The following CARD10 variants were observed in gnomAD, a reference collection of about 807,000 sequenced individuals.
CARD10 encodes the protein caspase recruitment domain-containing protein 10.
CARD10 carries 49 observed loss-of-function variants against 114.6 expected under a neutral mutation model. That is an observed-to-expected ratio of 0.43 (90% CI 0.34 to 0.54). CARD10 has a LOEUF of 0.54. Among genes scored for constraint, CARD10 ranks in the 20% least tolerant of loss-of-function variants. The pLI is 0.03. For synonymous variants in CARD10, 602 were observed against 593.2 expected, an observed-to-expected ratio of 1.01 and a Z score of -0.21; for missense variants, 1,206 against 1,397.2, an observed-to-expected ratio of 0.86 and a Z score of 2.18.
intron 3 of CARD10, among the ~76,000 whole-genome samples, chr22:37,514,103 C>CAA (rs5845349): frequency 0.15 from 19,866 of 132,860 alleles, 1,662 homozygotes; most frequent in Middle Eastern, 0.29. Context: ...GACTCCATCT[C>CAA]AAAAAAAAAA....
At position 37,492,307 on chromosome 22, in the gene CARD10, G is replaced by C; in HGVS notation, c.2751+128C>G. On this transcript the variant is annotated intron_variant, in intron 18 of 19. Transcript: ENST00000251973. This position sits in a 1 kb window ranked among gnomAD's most constrained non-coding sequence, Gnocchi z 5.7. The stretch of plus-strand genomic sequence containing the variant: ...AAGGCCACAGGAGGGAAAGGACTTG[G>C]CCAGGGCCGCCCTGCCAGTGAGCAG... The C allele has an allele frequency of 1.4e-6, 1 of 711,948 alleles. No individual in the cohort carries two copies. Among genetic ancestry groups the C allele is most frequent in the Non-Finnish European group, 2.3e-6 (1 of 443,242 alleles). 44.1% of individuals were successfully genotyped at this position (711,948 alleles called of 1,614,324 possible). A position where few individuals can be genotyped will look rare whatever the true frequency, so the allele number is the denominator to read the frequency against.
At position 37,495,879 on chromosome 22, in the gene CARD10, G is replaced by C; in HGVS notation, c.2184C>G (p.Ala728=). ...AGTCCACCAGTCGAAGGATCTCTTGGGCTTTCACGCAAAGGGCATGGGGAT... is the reference window on the plus strand; with the variant it reads ...AGTCCACCAGTCGAAGGATCTCTTGCGCTTTCACGCAAAGGGCATGGGGAT... ...RADPHALCVK[A]QEILRLVDSA... Residue 728 remains alanine (A), a synonymous_variant, in exon 14 of 20, where the codon GCC becomes GCG. Coordinates refer to ENST00000251973, the MANE Select transcript of CARD10 (RefSeq NM_014550.4). 3 of 1,614,162 alleles carry C rather than the reference G, an allele frequency of 1.9e-6. No homozygotes were observed. The highest frequency in any genetic ancestry group is 2.5e-6 in the Non-Finnish European group (3 of 1,180,056).
In CARD10 at chr22:37,490,790, G is replaced by A. The variant is rs1922740305; in HGVS notation, c.*369C>T. 3 of 218,494 alleles carry A rather than the reference G, an allele frequency of 1.4e-5. No individual in the cohort carries two copies. Among genetic ancestry groups the A allele is most frequent in the Admixed American group, 1.2e-4 (2 of 17,076 alleles). 13.5% of individuals were successfully genotyped at this position (218,494 alleles called of 1,614,324 possible). A position where few individuals can be genotyped will look rare whatever the true frequency, so the allele number is the denominator to read the frequency against. ...CAGGAGACCTCGTGCCCAGGGCAGC[G>A]GGACAGACCTGAGCCTGCCCATGAG... On this transcript the variant is annotated 3_prime_UTR_variant, in exon 20 of 20. Transcript: ENST00000251973.
In CARD10 at chr22:37,495,563, T is replaced by C. The variant is rs1922971127; in HGVS notation, c.2327A>G (p.Gln776Arg). 6.2e-7 allele frequency: 1 copy of C among 1,613,532 alleles called. No homozygotes were observed. Among genetic ancestry groups the C allele is most frequent in the Non-Finnish European group, 8.5e-7 (1 of 1,179,882 alleles). ...YQRAQQLLEV[Q>R]EKCLPSSRHR... ...CCGGCTGGAGGGCAGGCATTTCTCC[T>C]GAACTTCTAGGAGCTGCTGGGCTCT... is the stretch of plus-strand genomic sequence containing the variant. Residue 776 changes from glutamine to arginine, a missense_variant, in exon 15 of 20, where the codon CAG becomes CGG. Around this residue, in one of 2 missense-constraint regions of CARD10, gnomAD observed 1,068 missense variants for 1,179.1 expected, o/e 0.91. Transcript: ENST00000251973.
intron 3 of CARD10, among the ~76,000 whole-genome samples, chr22:37,513,392 G>A (rs935163001): frequency 6.6e-6 from 1 of 152,126 alleles, no homozygotes; most frequent in Non-Finnish European, 1.5e-5. Flanking sequence ...TTACAGGCAT[G>A]AGCCACTGCG....
rs147081604 is a variant in CARD10 at position 37,491,830 on chromosome 22, C to T, written c.2789G>A (p.Arg930Gln). 2.3e-5 allele frequency: 37 copies of T among 1,593,442 alleles called. No individual in the cohort carries two copies. The highest frequency in any genetic ancestry group is 2.9e-5 in the Non-Finnish European group (34 of 1,172,538). Reference protein sequence around the residue: ...CLLELGARGVRELVQNEIYPI... With the variant: ...CLLELGARGVQELVQNEIYPI... The stretch of plus-strand genomic sequence containing the variant: ...GTAGATCTCGTTCTGCACCAGCTCC[C>T]GCACACCCCGAGCACCCAGCTCCAG... The change falls in exon 19 of 20, where the codon CGG (arginine) becomes CAG (glutamine). Residue 930 changes from arginine to glutamine, a missense_variant. Arg to Gln is a conservative substitution (Grantham distance 43). Transcript: ENST00000251973.
intron 3 of CARD10, among the ~76,000 whole-genome samples, chr22:37,515,468 C>G (rs1164423674): frequency 6.7e-6 from 1 of 148,580 alleles, no homozygotes; most frequent in Non-Finnish European, 1.5e-5. Flanking sequence ...GAAGCTGAGG[C>G]AGGAGAATCG....
chr22:37,498,905 TGG>T (rs57436795), intron 11 of CARD10, among the ~76,000 whole-genome samples: 5,860 of 75,666 alleles, frequency 0.077, 220 homozygotes, highest in East Asian at 0.19. Flanking sequence ...TGCTGGGGGG[TGG>T]GGGGGGGGGG....
intron 11 of CARD10, among the ~76,000 whole-genome samples, chr22:37,499,910 G>GT (rs1369701416): frequency 2.6e-5 from 4 of 152,092 alleles, no homozygotes; most frequent in Non-Finnish European, 5.9e-5. Context: ...TGCCTGTGTG[G>GT]TACTAGGAAG....
chr22:37,510,501 T>C (rs1425342735), intron 3 of CARD10, 80 bp from the exon 4 acceptor site: 5 of 1,301,478 alleles, frequency 3.8e-6, no homozygotes, highest in East Asian at 2.4e-5. Flanking sequence ...ACCTGCTCCC[T>C]CACTCCTGGG....
chr22:37,510,323 C>T lies in CARD10; in HGVS notation c.798G>A (p.Lys266=). Residue 266 remains lysine (K), a synonymous_variant, in exon 4 of 20, where the codon AAG becomes AAA. Transcript: ENST00000251973. ...GPPPGAEEKE[K]EKEKEKEPDN... is the part of the protein sequence containing the mutation. ...CTGGCTCCTTCTCCTTCTCCTTCTC[C>T]TTCTCCTTCTCCTCTGCCCCAGGGG... 6.2e-7 allele frequency: 1 copy of T among 1,611,116 alleles called. No homozygotes were observed.
chr22:37,496,972 G>C lies in CARD10; in HGVS notation c.1947+47C>G. On this transcript the variant is annotated intron_variant, in intron 12 of 19. Transcript: ENST00000251973. This position sits in a 1 kb window ranked among gnomAD's most constrained non-coding sequence, Gnocchi z 4.1. ...CCAAATTAAGGGATGTCCAGCCTGG[G>C]CAAAAGCACTGACCCTACCCCCCCA... The C allele has an allele frequency of 6.5e-7, 1 of 1,533,596 alleles. No individual in the cohort carries two copies. The highest frequency in any genetic ancestry group is 1.4e-5 in the African/African-American group (1 of 72,298). 95.0% of individuals were successfully genotyped at this position (1,533,596 alleles called of 1,614,324 possible). A position where few individuals can be genotyped will look rare whatever the true frequency, so the allele number is the denominator to read the frequency against.
At chr22:37,499,075 C>T (rs1923118013) in intron 11 of CARD10, among the ~76,000 whole-genome samples, 1 of 152,118 alleles carries the variant, frequency 6.6e-6, no homozygotes, top group African/African-American at 2.4e-5. Flanking sequence ...CTATCCCCCA[C>T]CCCGCTCCCG....
intron 3 of CARD10, among the ~76,000 whole-genome samples, chr22:37,514,182 C>T (rs937623669): frequency 6.6e-6 from 1 of 151,980 alleles, no homozygotes; most frequent in African/African-American, 2.4e-5. Flanking sequence ...GCCTCAGTTT[C>T]CTCCTCTAGA....
chr22:37,518,146 G>T, intron 1 of CARD10, 38 bp from the exon 2 acceptor site: 2 of 1,599,438 alleles, frequency 1.3e-6, no homozygotes, highest in Non-Finnish European at 1.7e-6. Context: ...GGGTCTAGGG[G>T]AAGGCCTCCC....
rs752343476 is a variant in CARD10, at chr22:37,496,413, T to C, written c.2059+36A>G. 2.0e-6 allele frequency: 3 copies of C among 1,506,600 alleles called. No homozygotes were observed. The highest frequency in any genetic ancestry group is 1.1e-5 in the South Asian group (1 of 88,546). 93.3% of individuals were successfully genotyped at this position (1,506,600 alleles called of 1,614,324 possible). A position where few individuals can be genotyped will look rare whatever the true frequency, so the allele number is the denominator to read the frequency against. ...TGCACCACGGGTTAGAGGACCCCTCTGGGGCCAACAGCTCCGACTCCCAAG... is the reference window on the plus strand; with the variant it reads ...TGCACCACGGGTTAGAGGACCCCTCCGGGGCCAACAGCTCCGACTCCCAAG... On this transcript the variant is annotated intron_variant, in intron 13 of 19. Coordinates refer to ENST00000251973, the MANE Select transcript of CARD10 (RefSeq NM_014550.4). This position sits in a 1 kb window ranked among gnomAD's most constrained non-coding sequence, Gnocchi z 4.1.
intron 2 of CARD10, among the ~76,000 whole-genome samples, chr22:37,517,156 C>T (rs1179126462): frequency 6.6e-6 from 1 of 152,144 alleles, no homozygotes; most frequent in Non-Finnish European, 1.5e-5. Context: ...AACTGGAAAC[C>T]TAGGTATCCA....
intron 6 of CARD10, 33 bp downstream of exon 6, chr22:37,507,796 G>A: frequency 1.2e-6 from 2 of 1,613,516 alleles, no homozygotes; most frequent in Non-Finnish European, 1.7e-6. Context: ...GCAGCAACTG[G>A]CCCAGGGCCT....
chr22:37,499,078 C>G (rs1256787953), intron 11 of CARD10, among the ~76,000 whole-genome samples: 3 of 152,072 alleles, frequency 2.0e-5, no homozygotes, highest in South Asian at 2.1e-4. Flanking sequence ...TCCCCCACCC[C>G]GCTCCCGCCA....
Sources: gnomAD v4.1 joint callset for allele counts (sites outside exome capture counted in the v4.1 genomes callset) on GRCh38, gnomAD v4.1.1 for gene constraint, gnomAD v4.1.1 regional missense constraint, Gnocchi (gnomAD v3.1) non-coding constraint, MANE v1.5 for transcripts, NCBI Gene and HGNC (gene_info 2026-07-23, HGNC 2026-07-21) for gene names.